Variants in GXYLT1 observed in about 807,000 individuals in gnomAD.
GXYLT1 encodes the protein glycosyltransferase 8 domain containing 3.
In GXYLT1, 29 loss-of-function variants were observed where a neutral mutation model predicts 54.0. The ratio of observed to expected loss-of-function variants is 0.54; its 90% CI spans 0.40 to 0.73. The LOEUF (loss-of-function observed/expected upper bound fraction) is 0.73, where lower values mean the gene tolerates loss of function less well. Among genes scored for constraint, GXYLT1 ranks in the 30% least tolerant of loss-of-function variants. GXYLT1 has a pLI of 0.00. For synonymous variants in GXYLT1, 176 were observed against 204.1 expected (o/e 0.86, Z 1.17); for missense variants, 490 against 553.4 (o/e 0.89, Z 1.15).
chr12:42,144,218 T>A (rs888379647), intron 1 of GXYLT1, among the ~76,000 whole-genome samples: 9 of 152,202 alleles, frequency 5.9e-5, no homozygotes. Flanking sequence ...GGTCAAAAGA[T>A]AAACACAGAA....
chr12:42,097,976 T>C lies in GXYLT1; in HGVS notation c.922A>G (p.Lys308Glu). Reference sequence around the variant, plus strand: ...CCCCATGTGATGTTTAGTTTGTATTTTTTAAGCAATGGCATAAGTATATCT... The same window carrying C: ...CCCCATGTGATGTTTAGTTTGTATTCTTTAAGCAATGGCATAAGTATATCT... ...WGDILMPLLKKYKLNITWGDQ... is the reference protein window; with the variant it reads ...WGDILMPLLKEYKLNITWGDQ... Residue 308 changes from lysine to glutamate, a missense_variant, in exon 6 of 8, where the codon AAA becomes GAA. By Grantham distance (56) the Lys-to-Glu change is moderately conservative. Transcript: ENST00000398675. The C allele has an allele frequency of 6.2e-7, 1 of 1,606,756 alleles. No homozygotes were observed. Among genetic ancestry groups the C allele is most frequent in the Non-Finnish European group, 8.5e-7 (1 of 1,173,838 alleles).
chr12:42,111,902 G>A (rs1170250499), intron 3 of GXYLT1, among the ~76,000 whole-genome samples: 1 of 152,214 alleles, frequency 6.6e-6, no homozygotes, highest in Non-Finnish European at 1.5e-5. Context: ...GGGGCGGACT[G>A]ACACCTCACA....
At position 42,097,906 on chromosome 12, in the gene GXYLT1, T is replaced by C. The variant is rs1289805388; in HGVS notation, c.988+4A>G. ...ATGCAAATAAAAGGAATTTAAATAATTACCTGGATTATGAAAAAACACGAT... is the reference window on the plus strand; with the variant it reads ...ATGCAAATAAAAGGAATTTAAATAACTACCTGGATTATGAAAAAACACGAT... On this transcript the variant is annotated splice_donor_region_variant and intron_variant, in intron 6 of 7. Transcript: ENST00000398675. The C allele has an allele frequency of 6.4e-7, 1 of 1,569,526 alleles. No homozygotes were observed. The highest frequency in any genetic ancestry group is 8.7e-7 in the Non-Finnish European group (1 of 1,152,088).
chr12:42,093,878 T>C (rs138968293), intron 7 of GXYLT1, among the ~76,000 whole-genome samples: 347 of 152,158 alleles, frequency 2.3e-3, no homozygotes, highest in Non-Finnish European at 3.8e-3. Flanking sequence ...GACAAAAGGA[T>C]AGCCATTTGG....
intron 2 of GXYLT1, among the ~76,000 whole-genome samples, 193 bp downstream of exon 2, chr12:42,129,566 A>C (rs913615599): frequency 2.0e-5 from 3 of 152,218 alleles, no homozygotes; most frequent in African/African-American, 7.2e-5. Context: ...AGAAAATTTA[A>C]AGCATTTATA....
At chr12:42,088,876 AGG>A (rs2065312455) in intron 7 of GXYLT1, among the ~76,000 whole-genome samples, 1 of 151,856 alleles carries the variant, frequency 6.6e-6, no homozygotes, top group Non-Finnish European at 1.5e-5. Flanking sequence ...GCTGAGGGAG[AGG>A]AAATGAAAGA....
intron 3 of GXYLT1, 142 bp downstream of exon 3, chr12:42,118,858 G>C (rs2065512514): frequency 1.6e-6 from 1 of 642,712 alleles, no homozygotes; most frequent in African/African-American, 1.9e-5. Flanking sequence ...TGAACTGTGA[G>C]TCAATTAAAC....
chr12:42,135,575 AAAT>A (rs60579168), intron 1 of GXYLT1, among the ~76,000 whole-genome samples: 22,127 of 152,178 alleles, frequency 0.15, 1,702 homozygotes, highest in South Asian at 0.21. Flanking sequence ...AATGTCCACC[AAAT>A]AATGAGCAAA....
At chr12:42,129,152 G>A (rs1262187855) in intron 2 of GXYLT1, among the ~76,000 whole-genome samples, 1 of 152,062 alleles carries the variant, frequency 6.6e-6, no homozygotes, top group African/African-American at 2.4e-5. Context: ...TTTCATTCTA[G>A]ATTAGAGCAG....
At chr12:42,099,407 A>C (rs1219014716) in intron 5 of GXYLT1, among the ~76,000 whole-genome samples, 1 of 152,208 alleles carries the variant, frequency 6.6e-6, no homozygotes, top group Non-Finnish European at 1.5e-5. Flanking sequence ...TGTTTATAGT[A>C]GTTTTAATAG....
Position 42,086,671 on chromosome 12 carries a change from T to C in GXYLT1, c.*1115A>G, listed in dbSNP as rs142600234. 1.3e-5 allele frequency: 2 copies of C among 152,160 alleles called. No individual in the cohort carries two copies. Among genetic ancestry groups the C allele is most frequent in the African/African-American group, 4.8e-5 (2 of 41,450 alleles). The allele number at this position is 152,160 out of a possible 1,614,324, so 9.4% of individuals were successfully genotyped here. A position where few individuals can be genotyped will look rare whatever the true frequency, so the allele number is the denominator to read the frequency against. ...CTTAGGTGATATTCAAAAATGCACA[T>C]CAACCCAATTAAAACCACATTTTCT... On this transcript the variant is annotated 3_prime_UTR_variant, in exon 8 of 8. Transcript: ENST00000398675.
At chr12:42,115,115 T>C (rs2065485416) in intron 3 of GXYLT1, among the ~76,000 whole-genome samples, 1 of 152,330 alleles carries the variant, frequency 6.6e-6, no homozygotes, top group East Asian at 1.9e-4. Context: ...AAATTAGGTA[T>C]TGATGGGACG....
At chr12:42,099,800 A>G (rs2065379131) in intron 5 of GXYLT1, among the ~76,000 whole-genome samples, 5 of 152,156 alleles carry the variant, frequency 3.3e-5, no homozygotes. Flanking sequence ...GCAGTGAGCC[A>G]AGATTGTGCC....
intron 4 of GXYLT1, among the ~76,000 whole-genome samples, 157 bp from the exon 5 acceptor site, chr12:42,106,226 CATATAT>C (rs987969314): frequency 6.6e-6 from 1 of 151,940 alleles, no homozygotes; most frequent in Non-Finnish European, 1.5e-5. Context: ...TTAACAATAG[CATATAT>C]ATAAAGATAC....
chr12:42,094,327 G>A (rs2065343703), intron 7 of GXYLT1, among the ~76,000 whole-genome samples: 1 of 150,558 alleles, frequency 6.6e-6, no homozygotes, highest in African/African-American at 2.4e-5. Context: ...CTCCAGCCTG[G>A]GTGACAAGAG....
chr12:42,087,665 G>T lies in GXYLT1; in HGVS notation c.*121C>A. The T allele has an allele frequency of 1.1e-5, 7 of 653,276 alleles. No homozygotes were observed. Among genetic ancestry groups the T allele is most frequent in the South Asian group, 4.5e-5 (2 of 44,080 alleles). The allele number at this position is 653,276 out of a possible 1,614,324, so 40.5% of individuals were successfully genotyped here. The stretch of plus-strand genomic sequence containing the variant: ...AATACTGCTTACTTAACTTCTTTAG[G>T]AAAAAAAAAATTATTCTGGAGATGA... On this transcript the variant is annotated 3_prime_UTR_variant, in exon 8 of 8. Coordinates refer to ENST00000398675, the MANE Select transcript of GXYLT1 (RefSeq NM_173601.2).
At chr12:42,143,381 C>T (rs977204078) in intron 1 of GXYLT1, among the ~76,000 whole-genome samples, 1 of 152,144 alleles carries the variant, frequency 6.6e-6, no homozygotes, top group Non-Finnish European at 1.5e-5. Context: ...GTAATCAAAT[C>T]TCAGGGTAAA....
chr12:42,117,324 TAAAATTATCTA>T (rs569632369), intron 3 of GXYLT1, among the ~76,000 whole-genome samples: 2,184 of 152,106 alleles, frequency 0.014, 24 homozygotes, highest in Non-Finnish European at 0.024. Context: ...ATCAAGATCA[TAAAATTATCTA>T]ACAAAAATAC....
rs1263209385 is a variant in GXYLT1, at chr12:42,144,478, C to T, written c.169G>A (p.Val57Met). 1.3e-5 allele frequency: 17 copies of T among 1,320,632 alleles called. No homozygotes were observed. Among genetic ancestry groups the T allele is most frequent in the South Asian group, 1.8e-5 (1 of 55,518 alleles). The allele number at this position is 1,320,632 out of a possible 1,614,324, so 81.8% of individuals were successfully genotyped here. A position where few individuals can be genotyped will look rare whatever the true frequency, so the allele number is the denominator to read the frequency against. ...SWLAGGGRGAVRGAGVAGPAA... is the reference protein window; with the variant it reads ...SWLAGGGRGAMRGAGVAGPAA... Reference sequence around the variant, plus strand: ...GGGCCCGCGACGCCGGCGCCTCTCACGGCGCCGCGTCCGCCGCCCGCGAGC... The same window carrying T: ...GGGCCCGCGACGCCGGCGCCTCTCATGGCGCCGCGTCCGCCGCCCGCGAGC... Residue 57 changes from valine to methionine, a missense_variant, in exon 1 of 8, where the codon GTG becomes ATG. Physicochemically the swap from Val to Met is conservative, Grantham distance 21. Coordinates refer to ENST00000398675, the MANE Select transcript of GXYLT1 (RefSeq NM_173601.2).
Sources: allele counts gnomAD v4.1 joint callset (sites outside exome capture counted in the v4.1 genomes callset), GRCh38; gene constraint gnomAD v4.1.1; transcripts MANE v1.5; gene names NCBI Gene and HGNC (gene_info 2026-07-23, HGNC 2026-07-21).